The following COL11A2 variants were observed in gnomAD, a reference collection of about 807,000 sequenced individuals.
COL11A2 encodes collagen type XI alpha 2 chain.
Under a neutral mutation model 273.4 loss-of-function variants are expected in COL11A2, and 116 were observed. That is an observed-to-expected ratio of 0.42 (90% CI 0.36 to 0.49). COL11A2 has a LOEUF of 0.49. Among genes scored for constraint, COL11A2 ranks in the 20% least tolerant of loss-of-function variants. The pLI is 0.00. For synonymous variants in COL11A2, 782 were observed against 864.2 expected, an observed-to-expected ratio of 0.90 and a Z score of 1.67; for missense variants, 1,866 against 2,309.0, an observed-to-expected ratio of 0.81 and a Z score of 3.93.
Position 33,166,932 on chromosome 6 carries a change from G to T in COL11A2, c.4231-105C>A. 6.6e-7 allele frequency: 1 copy of T among 1,510,290 alleles called. No individual in the cohort carries two copies. 93.6% of individuals were successfully genotyped at this position (1,510,290 alleles called of 1,614,324 possible). A position where few individuals can be genotyped will look rare whatever the true frequency, so the allele number is the denominator to read the frequency against. ...AGGGAGCCGGGCACAGGGTCCGTGA[G>T]TGGCCCTCACTGAGCAGGGACTCCC... On this transcript the variant is annotated intron_variant, in intron 58 of 65. Coordinates refer to ENST00000341947, the MANE Select transcript of COL11A2 (RefSeq NM_080680.3). This position sits in a 1 kb window ranked among gnomAD's most constrained non-coding sequence, Gnocchi z 4.8.
upstream of COL11A2, chr6:33,193,462 C>T (rs1479953191): frequency 6.7e-6 from 1 of 149,298 alleles, no homozygotes; most frequent in Non-Finnish European, 1.5e-5. Flanking sequence ...GTCCCCCACC[C>T]TGCGTGCACC....
Position 33,167,613 on chromosome 6 carries a change from GC to G in COL11A2, c.4015-81del, listed in dbSNP as rs1554213665. On this transcript the variant is annotated intron_variant, in intron 55 of 65. Coordinates refer to ENST00000341947, the MANE Select transcript of COL11A2 (RefSeq NM_080680.3). The surrounding 1 kb of genome is among the most constrained non-coding windows in gnomAD (Gnocchi z 6.1). Reference sequence around the variant, plus strand: ...GGGGGCAGAGGGTCCAAGGTGGGAGGCAGGAGGCAGGGAGGAAGGGCCAAAC... The same window carrying G: ...GGGGGCAGAGGGTCCAAGGTGGGAGGAGGAGGCAGGGAGGAAGGGCCAAAC... The G allele has an allele frequency of 6.6e-7, 1 of 1,512,334 alleles. No homozygotes were observed. Among genetic ancestry groups the G allele is most frequent in the Non-Finnish European group, 9.1e-7 (1 of 1,096,856 alleles). 93.7% of individuals were successfully genotyped at this position (1,512,334 alleles called of 1,614,324 possible).
intron 43 of COL11A2, 54 bp from the exon 44 acceptor site, chr6:33,171,378 A>T: frequency 1.2e-6 from 2 of 1,612,328 alleles, no homozygotes; most frequent in Non-Finnish European, 1.7e-6. Context: ...TAGAGTGGGA[A>T]GGATGACATG....
In COL11A2 at chr6:33,178,162, G is replaced by A. The variant is rs768081857; in HGVS notation, c.1842C>T (p.Pro614=). The A allele has an allele frequency of 6.2e-7, 1 of 1,610,960 alleles. No homozygotes were observed. The highest frequency in any genetic ancestry group is 2.2e-5 in the East Asian group (1 of 44,830). The change falls in exon 21 of 66, where the codon CCC becomes CCT. Residue 614 remains proline, a synonymous_variant. Transcript: ENST00000341947. This position sits in a 1 kb window ranked among gnomAD's most constrained non-coding sequence, Gnocchi z 4.6. ...GTCCAGGAATACCAGGTGGGCCTTT[G>A]GGGCCAAGGAGACCTCGAGGTCCCT... ...GESGPRGLLG[P]KGPPGIPGPP... is the part of the protein sequence containing the mutation.
chr6:33,183,519 A>G (rs986517319), intron 8 of COL11A2, among the ~76,000 whole-genome samples: 1 of 152,246 alleles, frequency 6.6e-6, no homozygotes, highest in African/African-American at 2.4e-5. Flanking sequence ...TGGAAACTTT[A>G]TGATTTAAAT....
chr6:33,166,796 G>T lies in COL11A2; in HGVS notation c.4262C>A (p.Pro1421His). 6.2e-7 allele frequency: 1 copy of T among 1,613,424 alleles called. No homozygotes were observed. The highest frequency in any genetic ancestry group is 8.5e-7 in the Non-Finnish European group (1 of 1,180,008). The change falls in exon 59 of 66, where the codon CCC becomes CAC. Residue 1421 changes from proline (P) to histidine (H), a missense_variant. Transcript: ENST00000341947. This position sits in a 1 kb window ranked among gnomAD's most constrained non-coding sequence, Gnocchi z 4.8. ...GHPGLIGLIG[P>H]PGEQGEKGDR... ...TCCCTTCTCTCCCTGCTCACCCGGG[G>T]GCCCAATCAGTCCAATGAGACCTGG...
chr6:33,171,238 A>G (rs1469415099), intron 44 of COL11A2, 33 bp downstream of exon 44: 1 of 1,614,168 alleles, frequency 6.2e-7, no homozygotes, highest in South Asian at 1.1e-5. Flanking sequence ...GTTAAAGGCC[A>G]GGAGGTCAGA....
In COL11A2 at chr6:33,189,052, C is replaced by T. The variant is rs766855926; in HGVS notation, c.369G>A (p.Leu123=). 6.2e-7 allele frequency: 1 copy of T among 1,614,102 alleles called. No homozygotes were observed. Among genetic ancestry groups the T allele is most frequent in the African/African-American group, 1.3e-5 (1 of 74,928 alleles). ...GLELGRPVRF[L]YEDQTGRPQP... is the part of the protein sequence containing the mutation. The stretch of plus-strand genomic sequence containing the variant: ...GAGGCCGCCCAGTCTGGTCTTCATA[C>T]AGGAAGCGGACAGGTCGGCCCAGCT... The change falls in exon 3 of 66, where the codon CTG becomes CTA. Residue 123 remains leucine, a synonymous_variant. Coordinates refer to ENST00000341947, the MANE Select transcript of COL11A2 (RefSeq NM_080680.3). The surrounding 1 kb of genome is among the most constrained non-coding windows in gnomAD (Gnocchi z 5.6).
Position 33,166,239 on chromosome 6 carries a change from C to T in COL11A2, c.4393-33G>A. The stretch of plus-strand genomic sequence containing the variant: ...ATGAGGAACAAGAAAGAGACGGTCA[C>T]TGCAGGGGAAGGACAGGACTCAGAG... On this transcript the variant is annotated intron_variant, in intron 60 of 65. Transcript: ENST00000341947. The surrounding 1 kb of genome is among the most constrained non-coding windows in gnomAD (Gnocchi z 4.8). 6.3e-7 allele frequency: 1 copy of T among 1,586,600 alleles called. No individual in the cohort carries two copies. Among genetic ancestry groups the T allele is most frequent in the South Asian group, 1.1e-5 (1 of 87,050 alleles).
Position 33,167,911 on chromosome 6 carries a change from T to TCCCC in COL11A2, c.3961-63_3961-60dup. ...GCCGTGGGCAGCCAGGCTCAACTCT[T>TCCCC]CCCCCTTCCTGTCCTAGACACACAC... On this transcript the variant is annotated intron_variant, in intron 54 of 65. Transcript: ENST00000341947. This position sits in a 1 kb window ranked among gnomAD's most constrained non-coding sequence, Gnocchi z 6.1. The TCCCC allele has an allele frequency of 6.3e-7, 1 of 1,585,752 alleles. No individual in the cohort carries two copies. Among genetic ancestry groups the TCCCC allele is most frequent in the Non-Finnish European group, 8.6e-7 (1 of 1,159,320 alleles).
Position 33,166,665 on chromosome 6 carries a change from C to T in COL11A2, c.4338+55G>A. The stretch of plus-strand genomic sequence containing the variant: ...GCTGAGTCCCAACTCCAACTCCACC[C>T]CTCTCCACCCCACTCTCAACCCCCA... On this transcript the variant is annotated intron_variant, in intron 59 of 65. Transcript: ENST00000341947. The surrounding 1 kb of genome is among the most constrained non-coding windows in gnomAD (Gnocchi z 4.8). 1 of 1,611,402 alleles carries T rather than the reference C, an allele frequency of 6.2e-7. No homozygotes were observed. The highest frequency in any genetic ancestry group is 1.7e-5 in the Admixed American group (1 of 59,974).
At position 33,170,690 on chromosome 6, in the gene COL11A2, C is replaced by T; in HGVS notation, c.3475-80G>A. The T allele has an allele frequency of 6.3e-7, 1 of 1,594,466 alleles. No individual in the cohort carries two copies. Among genetic ancestry groups the T allele is most frequent in the Non-Finnish European group, 8.6e-7 (1 of 1,163,852 alleles). ...CCTAGGCAGATAGGCCCCACAGTCC[C>T]CTCCCCTCAGACTCCGCAGGCCCTC... On this transcript the variant is annotated intron_variant, in intron 46 of 65. Coordinates refer to ENST00000341947, the MANE Select transcript of COL11A2 (RefSeq NM_080680.3). This position sits in a 1 kb window ranked among gnomAD's most constrained non-coding sequence, Gnocchi z 4.3.
At chr6:33,185,139 GT>G in intron 6 of COL11A2, 85 bp from the exon 7 acceptor site, 1 of 979,058 alleles carries the variant, frequency 1.0e-6, no homozygotes, top group Non-Finnish European at 1.6e-6. Context: ...AGCAGCACCT[GT>G]CCCCCGAGGG....
chr6:33,167,919 C>T lies in COL11A2; in HGVS notation c.3961-67G>A. ...CAGCCAGGCTCAACTCTTCCCCCTTCCTGTCCTAGACACACACATACACAT... is the reference window on the plus strand; with the variant it reads ...CAGCCAGGCTCAACTCTTCCCCCTTTCTGTCCTAGACACACACATACACAT... On this transcript the variant is annotated intron_variant, in intron 54 of 65. Coordinates refer to ENST00000341947, the MANE Select transcript of COL11A2 (RefSeq NM_080680.3). The surrounding 1 kb of genome is among the most constrained non-coding windows in gnomAD (Gnocchi z 6.1). The T allele has an allele frequency of 6.4e-7, 1 of 1,569,638 alleles. No individual in the cohort carries two copies. Among genetic ancestry groups the T allele is most frequent in the Non-Finnish European group, 8.7e-7 (1 of 1,145,780 alleles).
rs1296638479 is a variant in COL11A2 at position 33,192,166 on chromosome 6, G to A, written c.75C>T (p.Gly25=). The change falls in exon 1 of 66, where the codon GGC becomes GGT. Residue 25 remains glycine, a synonymous_variant. Coordinates refer to ENST00000341947, the MANE Select transcript of COL11A2 (RefSeq NM_080680.3). Reference sequence around the variant, plus strand: ...CATCAGGACTCCTCTTACCTGCCCAGCCTGGGGCCGCGCTCAGCCCCAGCA... The same window carrying A: ...CATCAGGACTCCTCTTACCTGCCCAACCTGGGGCCGCGCTCAGCCCCAGCA... ...PLVLGLSAAP[G]WAGAPPVDVL... 3 of 1,558,068 alleles carry A rather than the reference G, an allele frequency of 1.9e-6. No homozygotes were observed. The East Asian group carries it at 7.1e-5, about 37-fold the overall frequency.
Position 33,168,798 on chromosome 6 carries a change from C to T in COL11A2, c.3853-39G>A, listed in dbSNP as rs2855448. 0.67 allele frequency: 1,068,474 copies of T among 1,596,652 alleles called. 363,593 individuals are homozygous for T. The highest frequency in any genetic ancestry group is 0.98 in the East Asian group (42,517 of 43,436). On this transcript the variant is annotated intron_variant, in intron 52 of 65. Coordinates refer to ENST00000341947, the MANE Select transcript of COL11A2 (RefSeq NM_080680.3). ...GCAAGGTCAGAGGTGGGCCCCCAACCTGGCTGGCATCACCTCCAAAACTGT... is the reference window on the plus strand; with the variant it reads ...GCAAGGTCAGAGGTGGGCCCCCAACTTGGCTGGCATCACCTCCAAAACTGT...
At position 33,192,357 on chromosome 6, in the gene COL11A2, G is replaced by C; in HGVS notation, c.-117C>G. 2.0e-6 allele frequency: 2 copies of C among 1,014,494 alleles called. No homozygotes were observed. Among genetic ancestry groups the C allele is most frequent in the Admixed American group, 4.0e-5 (2 of 49,796 alleles). The allele number at this position is 1,014,494 out of a possible 1,614,324, so 62.8% of individuals were successfully genotyped here. A position where few individuals can be genotyped will look rare whatever the true frequency, so the allele number is the denominator to read the frequency against. The stretch of plus-strand genomic sequence containing the variant: ...TGAGCCTCAGACGCCGGGGTCCCAG[G>C]GAGGTCAGAGGCTGCGGGCAGCGAC... On this transcript the variant is annotated 5_prime_UTR_variant, in exon 1 of 66. Transcript: ENST00000341947.
chr6:33,184,306 C>T lies in COL11A2; in HGVS notation c.958G>A (p.Val320Ile), dbSNP rs748174665. Residue 320 changes from valine (V) to isoleucine (I), a missense_variant, in exon 8 of 66, where the codon GTC becomes ATC. By Grantham distance (29) the Val-to-Ile change is conservative. Coordinates refer to ENST00000341947, the MANE Select transcript of COL11A2 (RefSeq NM_080680.3). ...PLEEEQTDLQ[V>I]PPTADRFQAE... is the part of the protein sequence containing the mutation. ...TGGAACCTGTCGGCTGTGGGGGGGA[C>T]CTGGAGATCTGTCTGCTCCTTCCCA... The T allele has an allele frequency of 8.0e-6, 11 of 1,367,418 alleles. No individual in the cohort carries two copies. In the South Asian group the frequency reaches 1.2e-4, roughly 16 times the overall value. 84.7% of individuals were successfully genotyped at this position (1,367,418 alleles called of 1,614,324 possible).
rs1769242036 is a variant in COL11A2 at position 33,166,957 on chromosome 6, C to T, written c.4230+113G>A. 1 of 1,537,944 alleles carries T rather than the reference C, an allele frequency of 6.5e-7. No homozygotes were observed. Among genetic ancestry groups the T allele is most frequent in the African/African-American group, 1.4e-5 (1 of 73,296 alleles). On this transcript the variant is annotated intron_variant, in intron 58 of 65. Coordinates refer to ENST00000341947, the MANE Select transcript of COL11A2 (RefSeq NM_080680.3). This position sits in a 1 kb window ranked among gnomAD's most constrained non-coding sequence, Gnocchi z 4.8. ...GTGGCCCTCACTGAGCAGGGACTCC[C>T]TGGGACTGGCTGCCGGAGGCCTGAA... is the stretch of plus-strand genomic sequence containing the variant.
Sources: allele counts gnomAD v4.1 joint callset (sites outside exome capture counted in the v4.1 genomes callset), GRCh38; gene constraint gnomAD v4.1.1; non-coding constraint Gnocchi (gnomAD v3.1); transcripts MANE v1.5; gene names NCBI Gene and HGNC (gene_info 2026-07-23, HGNC 2026-07-21).